The following FAM228B variants were observed in gnomAD, a reference collection of about 807,000 sequenced individuals.
FAM228B encodes protein FAM228B.
A neutral mutation model predicts 42.6 loss-of-function variants in FAM228B; 38 were observed. That is an observed-to-expected ratio of 0.89 (90% CI 0.69 to 1.17). FAM228B has a LOEUF of 1.17. FAM228B is among the 50% of genes most tolerant of loss of function. The pLI is 0.00. For synonymous variants in FAM228B, 109 were observed against 122.3 expected, an observed-to-expected ratio of 0.89 and a Z score of 0.72; for missense variants, 344 against 367.3, an observed-to-expected ratio of 0.94 and a Z score of 0.52.
rs1335914110 is a variant in FAM228B, at chr2:24,158,215, C to CTTTTTTTTTTTTTTT, written c.687-3291_687-3290insTTTTTTTTTTTTTTT. On this transcript the variant is annotated intron_variant, in intron 7 of 10. Coordinates refer to ENST00000615575, the MANE Select transcript of FAM228B (RefSeq NM_001145710.2). ...AACCTCCTTTTTTTTTTTTTTTTTC[C>CTTTTTTTTTTTTTTT]AAAACATTGTTCCCAAGACTCTATT... Among the ~76,000 whole-genome samples, 21 of 9,180 alleles carry CTTTTTTTTTTTTTTT rather than the reference C, an allele frequency of 2.3e-3. 4 individuals carry two copies. Among genetic ancestry groups the CTTTTTTTTTTTTTTT allele is most frequent in the South Asian group, 8.7e-3 (2 of 230 alleles). 6.0% of individuals were successfully genotyped at this position (9,180 alleles called of 152,430 possible).
chr2:24,166,914 G>C (rs1012845867), intron 9 of FAM228B, among the ~76,000 whole-genome samples: 1 of 152,064 alleles, frequency 6.6e-6, no homozygotes, highest in Non-Finnish European at 1.5e-5. Context: ...TCAGGAAACA[G>C]CAAGAAAAAG....
At chr2:24,113,115 A>T (rs1665825591) in intron 3 of FAM228B, among the ~76,000 whole-genome samples, 1 of 152,086 alleles carries the variant, frequency 6.6e-6, no homozygotes, top group African/African-American at 2.4e-5. Context: ...CTTGGGGTAG[A>T]TGTATTATTT....
Position 24,077,431 on chromosome 2 carries a change from C to G in FAM228B, c.-290+462C>G. 2 of 987,478 alleles carry G rather than the reference C, an allele frequency of 2.0e-6. No individual in the cohort carries two copies. The highest frequency in any genetic ancestry group is 2.8e-6 in the Non-Finnish European group (2 of 721,256). The allele number at this position is 987,478 out of a possible 1,614,324, so 61.2% of individuals were successfully genotyped here. On this transcript the variant is annotated intron_variant, in intron 1 of 10. Transcript: ENST00000613899. The surrounding 1 kb of genome is among the most constrained non-coding windows in gnomAD (Gnocchi z 5.5). ...GCGGCGGCCCCAGTCCGCGTGCCAC[C>G]CTTCCAGTTCACTCTTTATTTCCTC... is the stretch of plus-strand genomic sequence containing the variant.
intron 7 of FAM228B, 41 bp downstream of exon 7, chr2:24,147,127 T>C (rs1666915160): frequency 7.3e-7 from 1 of 1,366,062 alleles, no homozygotes; most frequent in East Asian, 2.5e-5. Context: ...CCTTTTGGAC[T>C]TTGAAAATTC....
intron 1 of FAM228B, among the ~76,000 whole-genome samples, chr2:24,123,785 C>T (rs867129962): frequency 1.3e-5 from 2 of 151,862 alleles, no homozygotes; most frequent in Non-Finnish European, 1.5e-5. Context: ...AGGCGCCCGG[C>T]CTAGTGGGTG....
intron 2 of FAM228B, among the ~76,000 whole-genome samples, chr2:24,127,566 T>C (rs984978166): frequency 6.6e-6 from 1 of 152,204 alleles, no homozygotes; most frequent in Non-Finnish European, 1.5e-5. Flanking sequence ...TTCATAGCAA[T>C]GTATGAAAGT....
chr2:24,084,045 G>T lies in FAM228B; in HGVS notation c.-210+3090G>T. The T allele has an allele frequency of 7.6e-7, 1 of 1,320,178 alleles. No individual in the cohort carries two copies. Among genetic ancestry groups the T allele is most frequent in the Non-Finnish European group, 1.0e-6 (1 of 997,802 alleles). 81.8% of individuals were successfully genotyped at this position (1,320,178 alleles called of 1,614,324 possible). On this transcript the variant is annotated intron_variant, in intron 2 of 10. Transcript: ENST00000613899. This position sits in a 1 kb window ranked among gnomAD's most constrained non-coding sequence, Gnocchi z 8.4. ...TTGCATGAACAAAGAGGGCGCCCTG[G>T]GTTTAGGTCTGGGAAGCCCCAGCGC... is the stretch of plus-strand genomic sequence containing the variant.
intron 7 of FAM228B, among the ~76,000 whole-genome samples, chr2:24,160,228 A>G (rs1277825471): frequency 6.6e-6 from 1 of 151,998 alleles, no homozygotes; most frequent in African/African-American, 2.4e-5. Flanking sequence ...GGACTCAAGC[A>G]GTTTACCCAC....
At chr2:24,125,066 T>C (rs1338332677) in intron 2 of FAM228B, among the ~76,000 whole-genome samples, 2 of 152,194 alleles carry the variant, frequency 1.3e-5, no homozygotes, top group Admixed American at 6.5e-5. Context: ...GTAATTGATA[T>C]ACAGTAAACT....
At chr2:24,154,770 G>A (rs1021472159) in intron 7 of FAM228B, among the ~76,000 whole-genome samples, 3 of 152,150 alleles carry the variant, frequency 2.0e-5, no homozygotes, top group Non-Finnish European at 4.4e-5. Context: ...CTCAATAAAA[G>A]TTATGTTTTT....
At chr2:24,122,204 C>T (rs1666139290), upstream of FAM228B, among the ~76,000 whole-genome samples, 1 of 151,952 alleles carries the variant, frequency 6.6e-6, no homozygotes. Context: ...TGGTAGCGCA[C>T]TCCTGTAATC....
At chr2:24,155,099 T>C (rs1418084883) in intron 7 of FAM228B, among the ~76,000 whole-genome samples, 1 of 152,172 alleles carries the variant, frequency 6.6e-6, no homozygotes, top group Non-Finnish European at 1.5e-5. Context: ...ACTCTGATGG[T>C]ATATTAAGAT....
intron 5 of FAM228B, among the ~76,000 whole-genome samples, chr2:24,143,671 T>C (rs1463555581): frequency 6.6e-6 from 1 of 152,194 alleles, no homozygotes; most frequent in Non-Finnish European, 1.5e-5. Flanking sequence ...TCTCATTTTT[T>C]TGTTTCAGGA....
chr2:24,147,140 C>T (rs1470827486), intron 7 of FAM228B, 54 bp downstream of exon 7: 2 of 1,216,328 alleles, frequency 1.6e-6, no homozygotes, highest in East Asian at 2.6e-5. Context: ...GAAAATTCTT[C>T]AGACTGATAT....
intron 4 of FAM228B, among the ~76,000 whole-genome samples, chr2:24,138,516 G>A (rs1347336329): frequency 6.6e-6 from 1 of 151,784 alleles, no homozygotes; most frequent in Non-Finnish European, 1.5e-5. Context: ...TGTATTTTTA[G>A]TAGAGACAGG....
At chr2:24,166,016 T>C (rs1176046149) in intron 9 of FAM228B, 2 of 132,544 alleles carry the variant, frequency 1.5e-5, no homozygotes, top group Admixed American at 9.0e-5. Context: ...CACTCCAGCT[T>C]GGGCAACAAG....
intron 3 of FAM228B, among the ~76,000 whole-genome samples, chr2:24,116,148 G>A (rs1440606532): frequency 6.6e-6 from 1 of 151,978 alleles, no homozygotes; most frequent in Non-Finnish European, 1.5e-5. Flanking sequence ...CTAACATGGT[G>A]AAAATTCATC....
In FAM228B at chr2:24,100,658, G is replaced by C. The variant is rs551385926; in HGVS notation, c.-121+5429G>C. 2.6e-5 allele frequency among the ~76,000 whole-genome samples: 4 copies of C among 152,360 alleles called. No individual in the cohort carries two copies. In the South Asian group the frequency reaches 6.2e-4, roughly 24 times the overall value. ...GGAGAAATAGGAATGCTTTTACACT[G>C]TTGGTGGGAGTGTAAATTAGTTCAA... On this transcript the variant is annotated intron_variant, in intron 3 of 10. Coordinates refer to the FAM228B transcript ENST00000613899.
In FAM228B at chr2:24,089,979, A is replaced by AG. The variant is rs999193924; in HGVS notation, c.-209-5162_-209-5161insG. On this transcript the variant is annotated intron_variant, in intron 2 of 10. Transcript: ENST00000613899. ...CAAAACTCCGTCTAAAAAAAAAGAAAAAAAAAAAAAAACGCCGGGCGCAGT... is the reference window on the plus strand; with the variant it reads ...CAAAACTCCGTCTAAAAAAAAAGAAAGAAAAAAAAAAAACGCCGGGCGCAGT... Among the ~76,000 whole-genome samples, 81 of 149,350 alleles carry AG rather than the reference A, an allele frequency of 5.4e-4. No individual in the cohort carries two copies. In the East Asian group the frequency reaches 0.015, roughly 27 times the overall value.
Sources: allele counts gnomAD v4.1 joint callset (sites outside exome capture counted in the v4.1 genomes callset), GRCh38; gene constraint gnomAD v4.1.1; non-coding constraint Gnocchi (gnomAD v3.1); transcripts MANE v1.5; gene names NCBI Gene and HGNC (gene_info 2026-07-23, HGNC 2026-07-21).